The following PINX1 variants were observed in gnomAD, a reference collection of about 807,000 sequenced individuals.
The protein encoded by PINX1 is PIN2 (TERF1) interacting telomerase inhibitor 1, also known as PIN2/TERF1-interacting telomerase inhibitor 1.
A neutral mutation model predicts 25.4 loss-of-function variants in PINX1; 34 were observed. That is an observed-to-expected ratio of 1.34 (90% CI 1.02 to 1.78). The LOEUF (loss-of-function observed/expected upper bound fraction) is 1.78, where lower values mean the gene tolerates loss of function less well. Among genes scored for constraint, PINX1 ranks in the 40% most tolerant of loss-of-function variants. The pLI, the probability that PINX1 is intolerant of heterozygous loss-of-function variation, is 0.00. For missense variants in PINX1, 592 were observed against 404.9 expected (o/e 1.46, Z -3.97); for synonymous variants, 197 against 147.7 (o/e 1.33, Z -2.42).
chr8:10,809,393 C>T (rs896029765), intron 6 of PINX1, among the ~76,000 whole-genome samples: 23 of 152,208 alleles, frequency 1.5e-4, no homozygotes, highest in African/African-American at 4.8e-4. Flanking sequence ...ACTGACAGAA[C>T]AGGCCCCAAA....
At chr8:10,800,981 G>A (rs1802248093) in intron 6 of PINX1, among the ~76,000 whole-genome samples, 1 of 152,154 alleles carries the variant, frequency 6.6e-6, no homozygotes, top group African/African-American at 2.4e-5. Flanking sequence ...CGGCCCCTGG[G>A]GGAGTCCCTG....
chr8:10,800,640 T>G (rs1802237222), intron 6 of PINX1, among the ~76,000 whole-genome samples: 1 of 152,102 alleles, frequency 6.6e-6, no homozygotes, highest in Non-Finnish European at 1.5e-5. Flanking sequence ...CAGTTAATGT[T>G]TGCATTTTTA....
intron 6 of PINX1, among the ~76,000 whole-genome samples, chr8:10,807,525 G>A (rs1410136302): frequency 6.6e-6 from 1 of 151,904 alleles, no homozygotes; most frequent in African/African-American, 2.4e-5. Flanking sequence ...CCAAGTGCCT[G>A]GTGAATAAAA....
rs576904128 is a variant in PINX1, at chr8:10,789,275, T to C, written c.472-23359A>G. 1.4e-4 allele frequency among the ~76,000 whole-genome samples: 21 copies of C among 152,310 alleles called. No homozygotes were observed. The East Asian group carries it at 3.7e-3, about 27-fold the overall frequency. ...GAGGAGCCATGCTGGACGAGCATCC[T>C]TTTTTTCCAGATGTAATAAGGTATA... On this transcript the variant is annotated intron_variant, in intron 6 of 6. Transcript: ENST00000314787.
At chr8:10,826,558 G>GC (rs1357777043) in intron 4 of PINX1, among the ~76,000 whole-genome samples, 6 of 152,192 alleles carry the variant, frequency 3.9e-5, no homozygotes, top group Non-Finnish European at 8.8e-5. Context: ...GTTCACATTA[G>GC]CCTTATTCAT....
intron 4 of PINX1, among the ~76,000 whole-genome samples, chr8:10,829,809 C>T (rs938905186): frequency 1.3e-5 from 2 of 152,148 alleles, no homozygotes; most frequent in African/African-American, 4.8e-5. Context: ...CCTCAGCCTC[C>T]AAGTAGCTGG....
At chr8:10,791,728 G>C (rs550348873) in intron 6 of PINX1, among the ~76,000 whole-genome samples, 8 of 152,164 alleles carry the variant, frequency 5.3e-5, no homozygotes, top group South Asian at 4.1e-4. Flanking sequence ...TGGCTTTCTA[G>C]AGAGAGTCTG....
intron 6 of PINX1, among the ~76,000 whole-genome samples, chr8:10,812,242 C>A (rs755230599): frequency 2.6e-5 from 4 of 152,172 alleles, no homozygotes; most frequent in Non-Finnish European, 5.9e-5. Flanking sequence ...GTAGATAAAG[C>A]CAAAATTGCT....
intron 6 of PINX1, among the ~76,000 whole-genome samples, chr8:10,784,568 A>G (rs1474459856): frequency 6.6e-6 from 1 of 152,366 alleles, no homozygotes; most frequent in East Asian, 1.9e-4. Context: ...TTCCTAAGTT[A>G]GCTTTTCTGC....
At chr8:10,772,051 T>C (rs1379439681) in intron 6 of PINX1, among the ~76,000 whole-genome samples, 2 of 152,358 alleles carry the variant, frequency 1.3e-5, no homozygotes, top group East Asian at 3.9e-4. Context: ...CTGTGTGGTA[T>C]GGGAACTGCC....
intron 6 of PINX1, among the ~76,000 whole-genome samples, chr8:10,801,293 G>C (rs115871537): frequency 1.3e-5 from 2 of 152,252 alleles, no homozygotes; most frequent in African/African-American, 4.8e-5. Flanking sequence ...TAAAGGAGGA[G>C]AGGATGATGG....
chr8:10,806,629 C>A (rs1359185825), intron 6 of PINX1, among the ~76,000 whole-genome samples: 2 of 152,184 alleles, frequency 1.3e-5, no homozygotes, highest in African/African-American at 2.4e-5. Context: ...TACCCTGAGC[C>A]TAATGGCCCA....
At chr8:10,794,372 A>G (rs948293173) in intron 6 of PINX1, among the ~76,000 whole-genome samples, 12 of 152,138 alleles carry the variant, frequency 7.9e-5, no homozygotes, top group Admixed American at 1.3e-4. Context: ...GCTTCATCAT[A>G]TATTGACTTA....
chr8:10,778,676 C>T (rs759097086), intron 6 of PINX1, among the ~76,000 whole-genome samples: 4 of 152,158 alleles, frequency 2.6e-5, no homozygotes, highest in Non-Finnish European at 5.9e-5. Flanking sequence ...TTCAGAATGG[C>T]CCACATTTAT....
At chr8:10,766,913 T>C (rs1165971409) in intron 6 of PINX1, among the ~76,000 whole-genome samples, 1 of 151,856 alleles carries the variant, frequency 6.6e-6, no homozygotes, top group African/African-American at 2.4e-5. Context: ...TGAGGAGGAG[T>C]GCCTGTGAGG....
At chr8:10,794,996 G>A (rs1802042251) in intron 6 of PINX1, among the ~76,000 whole-genome samples, 1 of 152,134 alleles carries the variant, frequency 6.6e-6, no homozygotes, top group African/African-American at 2.4e-5. Context: ...CGCTAGAAAT[G>A]AACACCTCAC....
intron 1 of PINX1, among the ~76,000 whole-genome samples, chr8:10,838,904 C>T (rs2129092291): frequency 6.6e-6 from 1 of 152,324 alleles, no homozygotes; most frequent in South Asian, 2.1e-4. Flanking sequence ...CTAAGTCCTC[C>T]ACCCTCTTAG....
chr8:10,804,096 T>C (rs1389000020), intron 6 of PINX1, among the ~76,000 whole-genome samples: 3 of 152,156 alleles, frequency 2.0e-5, no homozygotes, highest in Non-Finnish European at 4.4e-5. Flanking sequence ...GCCTCTGTCA[T>C]ATGGGCAGAA....
At chr8:10,780,496 AT>A (rs1352477579) in intron 6 of PINX1, among the ~76,000 whole-genome samples, 2 of 152,200 alleles carry the variant, frequency 1.3e-5, no homozygotes, top group Non-Finnish European at 2.9e-5. Flanking sequence ...TGTTAATATA[AT>A]GCATTACATT....
Sources: gnomAD v4.1 joint callset for allele counts (sites outside exome capture counted in the v4.1 genomes callset) on GRCh38, gnomAD v4.1.1 for gene constraint, MANE v1.5 for transcripts, NCBI Gene and HGNC (gene_info 2026-07-23, HGNC 2026-07-21) for gene names.